Variants in FAM117B observed in about 807,000 individuals in gnomAD.
The protein encoded by FAM117B is protein FAM117B.
Under a neutral mutation model 52.8 loss-of-function variants are expected in FAM117B, and 22 were observed. The observed-to-expected ratio is 0.42, with a 90% confidence interval of 0.30 to 0.59. FAM117B has a LOEUF of 0.59. FAM117B is among the 20% of genes least tolerant of loss of function. FAM117B has a pLI of 0.22. For synonymous variants in FAM117B, 309 were observed against 324.1 expected (o/e 0.95, Z 0.50); for missense variants, 678 against 802.6 (o/e 0.84, Z 1.88).
At chr2:202,740,644 C>T (rs1032680368) in intron 4 of FAM117B, among the ~76,000 whole-genome samples, 3 of 152,080 alleles carry the variant, frequency 2.0e-5, no homozygotes, top group Non-Finnish European at 4.4e-5. Context: ...GGTTTTGGTA[C>T]ATATTCTCTA....
intron 1 of FAM117B, among the ~76,000 whole-genome samples, chr2:202,643,282 G>A (rs1226347370): frequency 6.6e-6 from 1 of 152,184 alleles, no homozygotes; most frequent in African/African-American, 2.4e-5. Context: ...TTCAAGAGAA[G>A]ATGGTAAATG....
In FAM117B at chr2:202,635,493, C is replaced by A; in HGVS notation, c.306C>A (p.Ala102=). 9.6e-7 allele frequency: 1 copy of A among 1,042,954 alleles called. No individual in the cohort carries two copies. Among genetic ancestry groups the A allele is most frequent in the Non-Finnish European group, 1.1e-6 (1 of 869,970 alleles). The allele number at this position is 1,042,954 out of a possible 1,614,324, so 64.6% of individuals were successfully genotyped here. A position where few individuals can be genotyped will look rare whatever the true frequency, so the allele number is the denominator to read the frequency against. Reference sequence around the variant, plus strand: ...CCACGCGCGGCGGCGGGAACGCGGCCGCGCGCACCAGCCCCACGGTGGCCA... The same window carrying A: ...CCACGCGCGGCGGCGGGAACGCGGCAGCGCGCACCAGCCCCACGGTGGCCA... ...TSPTRGGGNA[A]ARTSPTVATQ... Residue 102 remains alanine (A), a synonymous_variant, in exon 1 of 8, where the codon GCC becomes GCA. Coordinates refer to ENST00000392238, the MANE Select transcript of FAM117B (RefSeq NM_173511.4).
intron 5 of FAM117B, among the ~76,000 whole-genome samples, chr2:202,756,219 C>T (rs1691798445): frequency 6.6e-6 from 1 of 152,074 alleles, no homozygotes; most frequent in African/African-American, 2.4e-5. Context: ...GAGTTCAAGA[C>T]CCATCTGGCC....
chr2:202,715,143 C>T (rs191390916), intron 2 of FAM117B, among the ~76,000 whole-genome samples: 34,119 of 147,190 alleles, frequency 0.23, 4,509 homozygotes, highest in Middle Eastern at 0.34. Flanking sequence ...CCGGACGGGG[C>T]GGCTGGCCGG....
chr2:202,722,097 A>G (rs1224647819), intron 2 of FAM117B, among the ~76,000 whole-genome samples: 5 of 133,070 alleles, frequency 3.8e-5, no homozygotes, highest in African/African-American at 5.8e-5. Flanking sequence ...TGCAACCTCC[A>G]CCTCCCAAGT....
chr2:202,765,017 C>G (rs1691954017), intron 7 of FAM117B, among the ~76,000 whole-genome samples: 1 of 152,144 alleles, frequency 6.6e-6, no homozygotes, highest in Non-Finnish European at 1.5e-5. Flanking sequence ...TTCCAGTATA[C>G]TATAGACCTC....
intron 1 of FAM117B, among the ~76,000 whole-genome samples, chr2:202,675,733 C>T (rs140183165): frequency 6.6e-6 from 1 of 151,990 alleles, no homozygotes; most frequent in Admixed American, 6.6e-5. Context: ...CCCTGTAATC[C>T]TAGAATTCTG....
chr2:202,637,833 A>G (rs1689710955), intron 1 of FAM117B, among the ~76,000 whole-genome samples: 1 of 151,892 alleles, frequency 6.6e-6, no homozygotes, highest in Non-Finnish European at 1.5e-5. Flanking sequence ...AATGTGGGAA[A>G]TATATAGCAC....
intron 7 of FAM117B, among the ~76,000 whole-genome samples, chr2:202,762,578 T>A (rs1197902192): frequency 1.3e-5 from 2 of 152,352 alleles, no homozygotes; most frequent in South Asian, 4.1e-4. Context: ...AATAAAATTT[T>A]AAAAACAGCG....
chr2:202,656,025 C>T (rs1195060297), intron 1 of FAM117B, among the ~76,000 whole-genome samples: 1 of 152,068 alleles, frequency 6.6e-6, no homozygotes, highest in African/African-American at 2.4e-5. Flanking sequence ...TGTGGACATG[C>T]AGTTGTGGTA....
intron 2 of FAM117B, among the ~76,000 whole-genome samples, chr2:202,721,569 T>TA (rs1171638784): frequency 6.6e-6 from 1 of 152,212 alleles, no homozygotes; most frequent in Non-Finnish European, 1.5e-5. Flanking sequence ...GCACCGTGCT[T>TA]AAAAATTAAA....
chr2:202,742,279 G>A (rs1292794730), intron 4 of FAM117B, among the ~76,000 whole-genome samples: 5 of 152,136 alleles, frequency 3.3e-5, no homozygotes, highest in Admixed American at 6.5e-5. Flanking sequence ...GGCAGCTAGC[G>A]TTACCAGATG....
chr2:202,767,581 G>C lies in FAM117B; in HGVS notation c.*1817G>C, dbSNP rs1042185105. On this transcript the variant is annotated 3_prime_UTR_variant, in exon 8 of 8. Coordinates refer to ENST00000392238, the MANE Select transcript of FAM117B (RefSeq NM_173511.4). Reference sequence around the variant, plus strand: ...TTACTGTTCCTATACATATTATAAGGTAGAAAAAAGTTTTTAAATCCTTAT... The same window carrying C: ...TTACTGTTCCTATACATATTATAAGCTAGAAAAAAGTTTTTAAATCCTTAT... 1 of 152,002 alleles carries C rather than the reference G, an allele frequency of 6.6e-6. No individual in the cohort carries two copies. The highest frequency in any genetic ancestry group is 2.4e-5 in the African/African-American group (1 of 41,386). 9.4% of individuals were successfully genotyped at this position (152,002 alleles called of 1,614,324 possible).
chr2:202,640,773 C>T (rs2105751431), intron 1 of FAM117B, among the ~76,000 whole-genome samples: 1 of 152,086 alleles, frequency 6.6e-6, no homozygotes, highest in Non-Finnish European at 1.5e-5. Context: ...CTATGCCCAG[C>T]TAATTTTCTG....
chr2:202,734,671 C>A (rs1161829205), intron 4 of FAM117B, among the ~76,000 whole-genome samples: 1 of 152,060 alleles, frequency 6.6e-6, no homozygotes, highest in Non-Finnish European at 1.5e-5. Flanking sequence ...ATTACCTGTT[C>A]GTTGTGTTGT....
rs1008599558 is a variant in FAM117B, at chr2:202,702,268, G to T, written c.753+6236G>T. ...TAGTGGGGCATGGTGGTGTGCACCT[G>T]TAATCCCAGCTACTCAGGAGGCTGA... On this transcript the variant is annotated intron_variant, in intron 2 of 7. Transcript: ENST00000392238. Among the ~76,000 whole-genome samples the T allele has an allele frequency of 2.0e-5, 3 of 151,992 alleles. No individual in the cohort carries two copies. The South Asian group carries it at 6.2e-4, about 32-fold the overall frequency.
At chr2:202,739,723 G>A (rs193079803) in intron 4 of FAM117B, among the ~76,000 whole-genome samples, 302 of 152,152 alleles carry the variant, frequency 2.0e-3, no homozygotes, top group African/African-American at 7.0e-3. Context: ...GCCTCCCAAA[G>A]TCCTGGAATT....
chr2:202,732,643 ACCCCATCTCTAC>A, intron 4 of FAM117B, among the ~76,000 whole-genome samples: 1 of 152,098 alleles, frequency 6.6e-6, no homozygotes, highest in South Asian at 2.1e-4. Context: ...ACATAGTGAA[ACCCCATCTCTAC>A]TAAAAATACC....
At chr2:202,681,882 C>G (rs1269937106) in intron 1 of FAM117B, among the ~76,000 whole-genome samples, 1 of 152,182 alleles carries the variant, frequency 6.6e-6, no homozygotes. Flanking sequence ...CCTGTTTGTC[C>G]GGTCAGATGT....
Sources: allele counts gnomAD v4.1 joint callset (sites outside exome capture counted in the v4.1 genomes callset), GRCh38; gene constraint gnomAD v4.1.1; transcripts MANE v1.5; gene names NCBI Gene and HGNC (gene_info 2026-07-23, HGNC 2026-07-21).